Variants in SMG5 observed in about 807,000 individuals in gnomAD.
The protein encoded by SMG5 is SMG5 nonsense mediated mRNA decay factor, also known as nonsense-mediated mRNA decay factor SMG5.
Under a neutral mutation model 122.9 loss-of-function variants are expected in SMG5, and 53 were observed. That is an observed-to-expected ratio of 0.43 (90% CI 0.35 to 0.54). The LOEUF is 0.54. Among genes scored for constraint, SMG5 ranks in the 20% least tolerant of loss-of-function variants. The pLI is 0.01. For synonymous variants in SMG5, 477 were observed against 490.2 expected, an observed-to-expected ratio of 0.97 and a Z score of 0.35; for missense variants, 1,153 against 1,285.6, an observed-to-expected ratio of 0.90 and a Z score of 1.58.
intron 13 of SMG5, among the ~76,000 whole-genome samples, chr1:156,262,417 AGT>A (rs1661891680): frequency 6.9e-6 from 1 of 145,824 alleles, no homozygotes; most frequent in African/African-American, 2.6e-5. Flanking sequence ...CGGAACTTGC[AGT>A]GAGCCGAAAT....
upstream of SMG5, chr1:156,282,869 G>C (rs1663034933): frequency 1.7e-6 from 1 of 601,274 alleles, no homozygotes; most frequent in East Asian, 3.0e-5. Context: ...CAGCCGCACA[G>C]TTGCGGACCA....
At chr1:156,277,582 A>G (rs1662742506) in intron 3 of SMG5, among the ~76,000 whole-genome samples, 1 of 144,198 alleles carries the variant, frequency 6.9e-6, no homozygotes, top group African/African-American at 2.6e-5. Context: ...GCGCGATCTC[A>G]GCTCATCGCA....
chr1:156,281,562 A>G (rs536575065), intron 1 of SMG5, among the ~76,000 whole-genome samples: 1 of 152,304 alleles, frequency 6.6e-6, no homozygotes, highest in African/African-American at 2.4e-5. Flanking sequence ...AAAGCCAGAG[A>G]AGGCAGGATG....
At chr1:156,268,903 G>A (rs536394633) in intron 7 of SMG5, among the ~76,000 whole-genome samples, 6 of 152,138 alleles carry the variant, frequency 3.9e-5, no homozygotes, top group African/African-American at 1.4e-4. Flanking sequence ...CACATAGCCT[G>A]TGAGAGAACA....
chr1:156,281,684 G>T (rs1269624539), intron 1 of SMG5, among the ~76,000 whole-genome samples: 1 of 152,210 alleles, frequency 6.6e-6, no homozygotes, highest in Admixed American at 6.5e-5. Context: ...TAAAGCCTGA[G>T]CTAAATGAAA....
chr1:156,282,618 C>T lies in SMG5; in HGVS notation c.63G>A (p.Lys21=). Residue 21 remains lysine (K), a synonymous_variant, in exon 1 of 22, where the codon AAG becomes AAA. Transcript: ENST00000361813. ...SEPEAKVLHT[K]RLYRAVVEAV... ...CTGGCCCCTCTCACCGGTAAAGCCG[C>T]TTAGTGTGGAGGACTTTTGCTTCGG... 1.2e-6 allele frequency: 2 copies of T among 1,608,988 alleles called. No individual in the cohort carries two copies. The highest frequency in any genetic ancestry group is 1.7e-6 in the Non-Finnish European group (2 of 1,179,676).
Position 156,251,006 on chromosome 1 carries a change from G to C in SMG5, c.2829-10C>G, listed in dbSNP as rs1206539185. The stretch of plus-strand genomic sequence containing the variant: ...GATCTTATAGAGAGTCCTGGGGATG[G>C]GGGGCAGAGGGGAAGATGGGCCAAG... On this transcript the variant is annotated splice_polypyrimidine_tract_variant and intron_variant, in intron 20 of 21. Coordinates refer to ENST00000361813, the MANE Select transcript of SMG5 (RefSeq NM_015327.3). 2 of 1,611,528 alleles carry C rather than the reference G, an allele frequency of 1.2e-6. No homozygotes were observed. Among genetic ancestry groups the C allele is most frequent in the Non-Finnish European group, 1.7e-6 (2 of 1,178,364 alleles).
chr1:156,275,380 A>G (rs1662637022), intron 4 of SMG5, among the ~76,000 whole-genome samples: 1 of 152,202 alleles, frequency 6.6e-6, no homozygotes. Context: ...AACTTCAGAG[A>G]GCTTGAGATC....
At chr1:156,265,009 G>A (rs1662051580) in intron 12 of SMG5, among the ~76,000 whole-genome samples, 1 of 147,752 alleles carries the variant, frequency 6.8e-6, no homozygotes, top group South Asian at 2.1e-4. Context: ...CTGGGCAACA[G>A]AGTGAGACTC....
intron 15 of SMG5, among the ~76,000 whole-genome samples, chr1:156,259,812 G>C (rs1661741574): frequency 6.6e-6 from 1 of 152,176 alleles, no homozygotes; most frequent in Non-Finnish European, 1.5e-5. Context: ...GATTACAAAG[G>C]TGAGCCATTG....
chr1:156,286,557 A>G (rs1663169975), upstream of SMG5: 2 of 1,431,432 alleles, frequency 1.4e-6, no homozygotes, highest in East Asian at 4.5e-5. Flanking sequence ...AGCCAGGGTC[A>G]GGAGCTTTCC....
intron 16 of SMG5, among the ~76,000 whole-genome samples, chr1:156,256,677 A>C (rs1234781284): frequency 6.6e-6 from 1 of 152,056 alleles, no homozygotes; most frequent in Admixed American, 6.6e-5. Context: ...CCAGCATTTC[A>C]AACAGATGTA....
chr1:156,253,242 G>A (rs933175482), intron 17 of SMG5, among the ~76,000 whole-genome samples, 164 bp from the exon 18 acceptor site: 1 of 152,158 alleles, frequency 6.6e-6, no homozygotes, highest in African/African-American at 2.4e-5. Context: ...AGAAATAAGA[G>A]TTAAAGAGGG....
Position 156,250,666 on chromosome 1 carries a change from G to C in SMG5, c.2972C>G (p.Ala991Gly). The stretch of plus-strand genomic sequence containing the variant: ...ACTGGCGTGGGCAGCGGCCTGCAGG[G>C]CTGCCTGTGGAATGGGAGAAGGAAA... ...PSVLSGPMQAALQAAAHASVD... is the reference protein window; with the variant it reads ...PSVLSGPMQAGLQAAAHASVD... The change falls in exon 22 of 22, where the codon GCC (alanine) becomes GGC (glycine). Residue 991 changes from alanine to glycine, a missense_variant. Around this residue, in one of 5 missense-constraint regions of SMG5, gnomAD observed 84 missense variants for 82.3 expected, o/e 1.02. Coordinates refer to ENST00000361813, the MANE Select transcript of SMG5 (RefSeq NM_015327.3). The C allele has an allele frequency of 6.2e-7, 1 of 1,614,088 alleles. No individual in the cohort carries two copies. Among genetic ancestry groups the C allele is most frequent in the East Asian group, 2.2e-5 (1 of 44,880 alleles).
At chr1:156,253,120 C>A in intron 17 of SMG5, 42 bp from the exon 18 acceptor site, 1 of 1,531,596 alleles carries the variant, frequency 6.5e-7, no homozygotes, top group Non-Finnish European at 8.8e-7. Flanking sequence ...TGGGGGACCC[C>A]TGCAGCCGGG....
At chr1:156,286,114 C>A, upstream of SMG5, 1 of 1,408,052 alleles carries the variant, frequency 7.1e-7, no homozygotes, top group Non-Finnish European at 9.7e-7. Context: ...CCCTGCCAGT[C>A]TGCATGCCCA....
At chr1:156,289,874 C>T in the SMG5 span, among the ~76,000 whole-genome samples, 1 of 152,190 alleles carries the variant, frequency 6.6e-6, no homozygotes, top group South Asian at 2.1e-4. Flanking sequence ...GCTGACCCAT[C>T]CTCTGGGCTT....
chr1:156,255,006 G>T (rs1006833953), intron 16 of SMG5, among the ~76,000 whole-genome samples: 4 of 151,082 alleles, frequency 2.6e-5, no homozygotes, highest in Non-Finnish European at 4.4e-5. Context: ...AGGGAAAACT[G>T]CTTGAACCTG....
intron 1 of SMG5, among the ~76,000 whole-genome samples, chr1:156,280,210 G>A (rs1191037716): frequency 2.6e-5 from 4 of 152,138 alleles, no homozygotes; most frequent in Non-Finnish European, 5.9e-5. Flanking sequence ...TATCTGGAAG[G>A]GTAAAACCCA....
Sources: gnomAD v4.1 joint callset for allele counts (sites outside exome capture counted in the v4.1 genomes callset) on GRCh38, gnomAD v4.1.1 for gene constraint, gnomAD v4.1.1 regional missense constraint, MANE v1.5 for transcripts, NCBI Gene and HGNC (gene_info 2026-07-23, HGNC 2026-07-21) for gene names.